Variants in XIRP2 observed in about 807,000 individuals in gnomAD.
XIRP2 encodes xin actin binding repeat containing 2.
A neutral mutation model predicts 277.0 loss-of-function variants in XIRP2; 236 were observed. The observed-to-expected ratio is 0.85, with a 90% CI of 0.77 to 0.95. The LOEUF (loss-of-function observed/expected upper bound fraction) is 0.95. Ranked by LOEUF, XIRP2 falls within the 40% of genes least tolerant of loss-of-function variation. The pLI is 0.00. For synonymous variants in XIRP2, 1,490 were observed against 1,416.5 expected, an observed-to-expected ratio of 1.05 and a Z score of -1.17; for missense variants, 4,640 against 4,157.5, an observed-to-expected ratio of 1.12 and a Z score of -3.19.
At chr2:167,074,301 A>G (rs962054799) in intron 2 of XIRP2, among the ~76,000 whole-genome samples, 1 of 152,160 alleles carries the variant, frequency 6.6e-6, no homozygotes, top group Non-Finnish European at 1.5e-5. Context: ...TATTGTGTCT[A>G]TCTTCAAACA....
At chr2:167,117,955 A>G (rs780653814) in intron 2 of XIRP2, among the ~76,000 whole-genome samples, 3 of 152,182 alleles carry the variant, frequency 2.0e-5, no homozygotes, top group Admixed American at 2.0e-4. Context: ...AGATCTGACC[A>G]AAATTCTGAG....
intron 2 of XIRP2, among the ~76,000 whole-genome samples, chr2:166,995,189 T>C (rs1470952899): frequency 6.6e-6 from 1 of 152,192 alleles, no homozygotes; most frequent in Non-Finnish European, 1.5e-5. Flanking sequence ...CTGACCTCTT[T>C]ATTTTAGCAA....
chr2:167,031,901 G>A (rs1256003720), intron 2 of XIRP2, among the ~76,000 whole-genome samples: 1 of 152,050 alleles, frequency 6.6e-6, no homozygotes, highest in Admixed American at 6.6e-5. Context: ...TAGATTCAGT[G>A]CTACCCCCAT....
intron 2 of XIRP2, among the ~76,000 whole-genome samples, chr2:167,025,717 G>A (rs1315698860): frequency 1.3e-5 from 2 of 152,148 alleles, no homozygotes; most frequent in Non-Finnish European, 2.9e-5. Flanking sequence ...TATGTACCCA[G>A]TAGTCATTCA....
intron 2 of XIRP2, among the ~76,000 whole-genome samples, chr2:166,957,984 A>G (rs1686205749): frequency 6.6e-6 from 1 of 151,950 alleles, no homozygotes; most frequent in East Asian, 1.9e-4. Context: ...AGTGTTGATG[A>G]TAGTTGAGTA....
intron 2 of XIRP2, among the ~76,000 whole-genome samples, chr2:167,008,388 T>G (rs950864948): frequency 6.6e-6 from 1 of 151,610 alleles, no homozygotes; most frequent in African/African-American, 2.4e-5. Flanking sequence ...GTGTGTTGAC[T>G]AGAACTGTAA....
intron 2 of XIRP2, among the ~76,000 whole-genome samples, chr2:167,062,671 C>G (rs888613242): frequency 6.6e-6 from 1 of 152,098 alleles, no homozygotes; most frequent in African/African-American, 2.4e-5. Context: ...AAAGTTTTTA[C>G]TACGATGTCT....
At chr2:167,041,700 T>C (rs1339633355) in intron 2 of XIRP2, among the ~76,000 whole-genome samples, 1 of 152,048 alleles carries the variant, frequency 6.6e-6, no homozygotes, top group Non-Finnish European at 1.5e-5. Context: ...AACCTATGAT[T>C]CTTTGGAATC....
intron 2 of XIRP2, among the ~76,000 whole-genome samples, chr2:167,133,797 C>T (rs150782551): frequency 6.6e-6 from 1 of 152,276 alleles, no homozygotes; most frequent in Non-Finnish European, 1.5e-5. Context: ...CCTTCCAGGA[C>T]AGTGGAGAGG....
At chr2:167,139,756 T>C (rs1459844497) in intron 3 of XIRP2, among the ~76,000 whole-genome samples, 4 of 152,196 alleles carry the variant, frequency 2.6e-5, no homozygotes, top group Non-Finnish European at 5.9e-5. Context: ...GAAACTTCTG[T>C]GATAATGATA....
At chr2:166,977,748 CT>C (rs1686753666) in intron 2 of XIRP2, among the ~76,000 whole-genome samples, 1 of 152,082 alleles carries the variant, frequency 6.6e-6, no homozygotes, top group African/African-American at 2.4e-5. Context: ...GTAAACCTTG[CT>C]GTTTTTCCAG....
intron 3 of XIRP2, among the ~76,000 whole-genome samples, chr2:167,151,870 T>A (rs1002719033): frequency 4.6e-5 from 7 of 152,134 alleles, no homozygotes; most frequent in South Asian, 2.1e-4. Flanking sequence ...CTGTATTTTT[T>A]AAAAATTCAA....
At chr2:167,137,036 G>T (rs1023569885) in intron 3 of XIRP2, among the ~76,000 whole-genome samples, 1 of 152,210 alleles carries the variant, frequency 6.6e-6, no homozygotes, top group Non-Finnish European at 1.5e-5. Context: ...ATCAGAATCT[G>T]CATTGTAACA....
chr2:167,183,840 G>T (rs1380780019), intron 3 of XIRP2, among the ~76,000 whole-genome samples: 2 of 152,050 alleles, frequency 1.3e-5, no homozygotes, highest in Non-Finnish European at 2.9e-5. Context: ...CAAAAACAAA[G>T]CTGCAGATTG....
rs1262153065 is a variant in XIRP2, at chr2:167,245,266, G to T, written c.3874G>T (p.Asp1292Tyr). ...TTTAGATGAGATTAAAGAAGAATCT[G>T]ACTATATCAGCACCAAGAAAACAAT... ...FSLDEIKEES[D>Y]YISTKKTITE... is the part of the protein sequence containing the mutation. Residue 1292 changes from aspartate (D) to tyrosine (Y), a missense_variant, in exon 9 of 11, where the codon GAC becomes TAC. Transcript: ENST00000409195. 1.2e-6 allele frequency: 2 copies of T among 1,613,498 alleles called. No homozygotes were observed. Among genetic ancestry groups the T allele is most frequent in the Admixed American group, 1.7e-5 (1 of 59,972 alleles).
At position 167,218,293 on chromosome 2, in the gene XIRP2, C is replaced by A. The variant is rs1203114931; in HGVS notation, c.851C>A (p.Ser284Tyr). Residue 284 changes from serine to tyrosine, a missense_variant, in exon 5 of 11, where the codon TCT (serine) becomes TAT (tyrosine). By Grantham distance (144) the Ser-to-Tyr change is moderately radical. Coordinates refer to ENST00000409195, the MANE Select transcript of XIRP2 (RefSeq NM_152381.6). Reference sequence around the variant, plus strand: ...TACCAATATCAACATCAGAACAGATCTGAGCAGGTAATACTACTACAGGTG... The same window carrying A: ...TACCAATATCAACATCAGAACAGATATGAGCAGGTAATACTACTACAGGTG... ...AQYQYQHQNR[S>Y]EQEAIHSSQV... is the part of the protein sequence containing the mutation. The A allele has an allele frequency of 6.4e-7, 1 of 1,562,196 alleles. No homozygotes were observed. The highest frequency in any genetic ancestry group is 1.2e-5 in the South Asian group (1 of 81,942).
intron 3 of XIRP2, among the ~76,000 whole-genome samples, chr2:167,191,198 A>G (rs940478944): frequency 5.3e-5 from 8 of 151,310 alleles, no homozygotes; most frequent in Non-Finnish European, 8.8e-5. Flanking sequence ...AAAAAAAAAA[A>G]AAAAGAAAAA....
Position 167,243,511 on chromosome 2 carries a change from C to G in XIRP2, c.2119C>G (p.Leu707Val), listed in dbSNP as rs775118091. The part of the protein sequence containing the change: ...ETQHLDQLGQ[L>V]HSVDEVHLLQ... ...TCAACATCTAGATCAACTTGGACAG[C>G]TTCATTCAGTGGATGAGGTTCATTT... The change falls in exon 9 of 11, where the codon CTT becomes GTT. Residue 707 changes from leucine to valine, a missense_variant. By Grantham distance (32) the Leu-to-Val change is conservative. Transcript: ENST00000409195. The G allele has an allele frequency of 6.2e-7, 1 of 1,613,864 alleles. No homozygotes were observed. The highest frequency in any genetic ancestry group is 8.5e-7 in the Non-Finnish European group (1 of 1,179,954).
chr2:167,076,145 A>G (rs915612347), intron 2 of XIRP2, among the ~76,000 whole-genome samples: 7 of 152,190 alleles, frequency 4.6e-5, no homozygotes, highest in African/African-American at 1.7e-4. Context: ...TGAAAAAAAA[A>G]GTGTTTCACT....
Sources: gnomAD v4.1 joint callset for allele counts (sites outside exome capture counted in the v4.1 genomes callset) on GRCh38, gnomAD v4.1.1 for gene constraint, MANE v1.5 for transcripts, NCBI Gene and HGNC (gene_info 2026-07-23, HGNC 2026-07-21) for gene names.